LRRC3B: variants seen among roughly 807,000 people sequenced by gnomAD.
LRRC3B encodes leucine rich repeat containing 3B.
A neutral mutation model predicts 12.8 loss-of-function variants in LRRC3B; 2 were observed. That is an observed-to-expected ratio of 0.16 (90% CI 0.06 to 0.49). LRRC3B has a LOEUF of 0.49. Ranked by LOEUF, LRRC3B falls within the 20% of genes least tolerant of loss-of-function variation. The probability of loss-of-function intolerance (pLI) is 0.96; values close to 1 mark genes in which losing one functional copy is unlikely to be tolerated. For synonymous variants in LRRC3B, 132 were observed against 122.0 expected, an observed-to-expected ratio of 1.08 and a Z score of -0.54; for missense variants, 189 against 319.4, an observed-to-expected ratio of 0.59 and a Z score of 3.11.
At chr3:26,683,021 G>A (rs779944738) in intron 1 of LRRC3B, among the ~76,000 whole-genome samples, 9 of 152,086 alleles carry the variant, frequency 5.9e-5, no homozygotes, top group East Asian at 3.9e-4. Flanking sequence ...TTTAAGTCCC[G>A]GAAGCTCAAT....
chr3:26,706,176 A>C (rs886509063), intron 1 of LRRC3B, among the ~76,000 whole-genome samples: 2 of 152,148 alleles, frequency 1.3e-5, no homozygotes, highest in Non-Finnish European at 2.9e-5. Flanking sequence ...CTCTTTTATA[A>C]GGGCACGAAC....
intron 1 of LRRC3B, among the ~76,000 whole-genome samples, chr3:26,628,845 T>TAA (rs5847410): frequency 0.088 from 12,097 of 136,896 alleles, 1,182 homozygotes; most frequent in African/African-American, 0.23. Context: ...GAGTAAATAC[T>TAA]AAAAAAAAAA....
intron 1 of LRRC3B, among the ~76,000 whole-genome samples, chr3:26,700,896 C>A (rs1700437003): frequency 6.6e-6 from 1 of 152,128 alleles, no homozygotes; most frequent in Admixed American, 6.6e-5. Context: ...CAATTACTAC[C>A]TTTTAGGGGC....
intron 1 of LRRC3B, among the ~76,000 whole-genome samples, chr3:26,638,994 G>C (rs1205219414): frequency 6.6e-6 from 1 of 152,136 alleles, no homozygotes; most frequent in African/African-American, 2.4e-5. Context: ...AGAAAGGATT[G>C]CATTTCCAAA....
intron 1 of LRRC3B, among the ~76,000 whole-genome samples, chr3:26,625,849 GA>G (rs938777124): frequency 6.6e-6 from 1 of 152,142 alleles, no homozygotes; most frequent in African/African-American, 2.4e-5. Flanking sequence ...CAACAACCCT[GA>G]AAAATGGGTA....
At chr3:26,628,845 T>TA (rs5847410) in intron 1 of LRRC3B, among the ~76,000 whole-genome samples, 62,411 of 136,778 alleles carry the variant, frequency 0.46, 14,876 homozygotes, top group Admixed American at 0.54. Context: ...GAGTAAATAC[T>TA]AAAAAAAAAA....
intron 1 of LRRC3B, among the ~76,000 whole-genome samples, chr3:26,687,196 C>G (rs1006971303): frequency 6.6e-6 from 1 of 152,138 alleles, no homozygotes; most frequent in Non-Finnish European, 1.5e-5. Context: ...CCCTGCCATT[C>G]TACATGTGTT....
chr3:26,668,829 C>T (rs1699661612), intron 1 of LRRC3B, among the ~76,000 whole-genome samples: 1 of 152,128 alleles, frequency 6.6e-6, no homozygotes, highest in African/African-American at 2.4e-5. Flanking sequence ...ATATAGACTG[C>T]AAATTTTGCT....
intron 1 of LRRC3B, among the ~76,000 whole-genome samples, chr3:26,627,557 T>A (rs1304425681): frequency 6.6e-6 from 1 of 152,072 alleles, no homozygotes; most frequent in African/African-American, 2.4e-5. Flanking sequence ...GAGGCTTGGC[T>A]GCTGAGGCAC....
chr3:26,650,709 C>T (rs1559355132), intron 1 of LRRC3B, among the ~76,000 whole-genome samples: 2 of 151,980 alleles, frequency 1.3e-5, no homozygotes, highest in African/African-American at 4.8e-5. Context: ...CTCCAAATAG[C>T]TCATTATTAT....
chr3:26,704,483 T>C (rs1334055185), intron 1 of LRRC3B, among the ~76,000 whole-genome samples: 1 of 152,164 alleles, frequency 6.6e-6, no homozygotes, highest in Non-Finnish European at 1.5e-5. Context: ...CTTTTTATAT[T>C]GTTTATTTTG....
chr3:26,627,648 C>T (rs995997775), intron 1 of LRRC3B, among the ~76,000 whole-genome samples: 1 of 152,074 alleles, frequency 6.6e-6, no homozygotes, highest in African/African-American at 2.4e-5. Flanking sequence ...CTACCCTCGA[C>T]CTCAGTCTGC....
At chr3:26,632,663 TAGTA>T (rs1698783420) in intron 1 of LRRC3B, among the ~76,000 whole-genome samples, 1 of 152,212 alleles carries the variant, frequency 6.6e-6, no homozygotes, top group African/African-American at 2.4e-5. Context: ...GCAGGATTTA[TAGTA>T]AGTAAGTACC....
intron 1 of LRRC3B, among the ~76,000 whole-genome samples, chr3:26,653,960 A>AT (rs112562608): frequency 7.9e-4 from 119 of 151,510 alleles, no homozygotes; most frequent in Non-Finnish European, 4.6e-4. Context: ...CCAGATGGCT[A>AT]TTTTTTTTTC....
At chr3:26,636,832 C>T (rs186967824) in intron 1 of LRRC3B, among the ~76,000 whole-genome samples, 2 of 87,596 alleles carry the variant, frequency 2.3e-5, no homozygotes, top group Non-Finnish European at 4.2e-5. Flanking sequence ...CTCCCTCCCT[C>T]CCTCCCTGCC....
At chr3:26,637,720 T>A (rs971943683) in intron 1 of LRRC3B, among the ~76,000 whole-genome samples, 5 of 152,172 alleles carry the variant, frequency 3.3e-5, no homozygotes, top group African/African-American at 1.2e-4. Flanking sequence ...TTTTTCAGAA[T>A]GATATTTTTA....
chr3:26,710,503 G>A (rs766906994), exon 2 of LRRC3B: 1 of 1,488,702 alleles, frequency 6.7e-7, no homozygotes, highest in Admixed American at 2.2e-5. Context: ...TGCGATTGCA[G>A]TAGAAATAAG....
At chr3:26,657,211 A>G (rs1209384872) in intron 1 of LRRC3B, among the ~76,000 whole-genome samples, 2 of 152,222 alleles carry the variant, frequency 1.3e-5, no homozygotes. Flanking sequence ...CCTGAATGAA[A>G]TAAAAATAGT....
chr3:26,670,776 A>C (rs962467358), intron 1 of LRRC3B, among the ~76,000 whole-genome samples: 2 of 152,158 alleles, frequency 1.3e-5, no homozygotes, highest in African/African-American at 4.8e-5. Flanking sequence ...CTACTACTTC[A>C]ATAGATTAGG....
Sources: gnomAD v4.1 joint callset for allele counts (sites outside exome capture counted in the v4.1 genomes callset) on GRCh38, gnomAD v4.1.1 for gene constraint, MANE v1.5 for transcripts, NCBI Gene and HGNC (gene_info 2026-07-23, HGNC 2026-07-21) for gene names.